PZP: variants seen among roughly 807,000 people sequenced by gnomAD.
PZP encodes the protein PZP alpha-2-macroglobulin like.
PZP carries 150 observed loss-of-function variants against 179.8 expected under a neutral mutation model. That is an observed-to-expected ratio of 0.83 (90% CI 0.73 to 0.96). The LOEUF (loss-of-function observed/expected upper bound fraction) is 0.96. PZP is among the 40% of genes least tolerant of loss of function. PZP has a pLI of 0.00. For synonymous variants in PZP, 624 were observed against 652.3 expected (o/e 0.96, Z 0.66); for missense variants, 1,689 against 1,764.0 (o/e 0.96, Z 0.76).
At chr12:9,193,160 G>C (rs1943552858) in intron 11 of PZP, among the ~76,000 whole-genome samples, 2 of 152,124 alleles carry the variant, frequency 1.3e-5, no homozygotes, top group Non-Finnish European at 2.9e-5. Context: ...GTAATCCTTA[G>C]TAAATTAGCA....
intron 21 of PZP, 72 bp downstream of exon 21, chr12:9,163,596 C>G (rs1277156654): frequency 1.3e-6 from 2 of 1,518,686 alleles, no homozygotes; most frequent in Non-Finnish European, 1.8e-6. Context: ...ATTAATGGTT[C>G]TTTGTTGTCT....
chr12:9,180,889 G>T, intron 15 of PZP, 94 bp downstream of exon 15: 4 of 1,385,784 alleles, frequency 2.9e-6, no homozygotes, highest in Non-Finnish European at 2.9e-6. Context: ...GAAAATTTTC[G>T]CAACCTACTC....
intron 13 of PZP, among the ~76,000 whole-genome samples, chr12:9,183,426 G>A (rs1268492283): frequency 6.6e-6 from 1 of 151,972 alleles, no homozygotes; most frequent in Non-Finnish European, 1.5e-5. Flanking sequence ...TTGAGACAGG[G>A]TCTTGCTCTG....
chr12:9,165,469 C>T, intron 18 of PZP, 102 bp from the exon 19 acceptor site: 13 of 1,327,806 alleles, frequency 9.8e-6, no homozygotes, highest in South Asian at 5.4e-5. Context: ...ACTGAATCCA[C>T]TTAAGGGTAT....
In PZP at chr12:9,203,490, T is replaced by C. The variant is rs774614681; in HGVS notation, c.267+278A>G. Among the ~76,000 whole-genome samples, 8 of 152,094 alleles carry C rather than the reference T, an allele frequency of 5.3e-5. No homozygotes were observed. The East Asian group carries it at 7.8e-4, about 15-fold the overall frequency. On this transcript the variant is annotated intron_variant, in intron 2 of 35. Coordinates refer to ENST00000261336, the MANE Select transcript of PZP (RefSeq NM_002864.3). ...CCAGGTAGCTGGGACTACGGGCGCCTGCCACTACGCCCGGCTAATTTTTTG... is the reference window on the plus strand; with the variant it reads ...CCAGGTAGCTGGGACTACGGGCGCCCGCCACTACGCCCGGCTAATTTTTTG...
chr12:9,147,140 A>G (rs1488119823), downstream of PZP, among the ~76,000 whole-genome samples: 2 of 152,028 alleles, frequency 1.3e-5, no homozygotes, highest in East Asian at 3.9e-4. Flanking sequence ...ACATGGATCA[A>G]CTCTTTCTCT....
At chr12:9,203,588 G>T (rs1352156238) in intron 2 of PZP, among the ~76,000 whole-genome samples, 180 bp downstream of exon 2, 1 of 152,012 alleles carries the variant, frequency 6.6e-6, no homozygotes, top group African/African-American at 2.4e-5. Flanking sequence ...TGATCTGCCC[G>T]CCTTGGCTTC....
intron 15 of PZP, among the ~76,000 whole-genome samples, chr12:9,175,219 C>A (rs1442071679): frequency 6.6e-6 from 1 of 152,138 alleles, no homozygotes; most frequent in South Asian, 2.1e-4. Flanking sequence ...GGAAAGGCCT[C>A]CCTATTTAGT....
At chr12:9,160,881 C>T (rs930916282) in intron 23 of PZP, 152 bp downstream of exon 23, 1 of 709,508 alleles carries the variant, frequency 1.4e-6, no homozygotes, top group Non-Finnish European at 2.4e-6. Context: ...CGTCACTGTA[C>T]TCCAGCCTGG....
chr12:9,195,651 AC>A (rs1359135383), intron 10 of PZP, among the ~76,000 whole-genome samples: 1 of 113,732 alleles, frequency 8.8e-6, no homozygotes, highest in Non-Finnish European at 1.7e-5. Flanking sequence ...GTAGAGTCTT[AC>A]TATGTTACTA....
At position 9,170,318 on chromosome 12, in the gene PZP, G is replaced by T. The variant is rs1405911727; in HGVS notation, c.1840-727C>A. ...ATACCCTTGTGAGCCCATGCCACCA[G>T]GGTCTTGGGTCTGATACACAAAGCT... On this transcript the variant is annotated intron_variant, in intron 15 of 35. Coordinates refer to ENST00000261336, the MANE Select transcript of PZP (RefSeq NM_002864.3). The surrounding 1 kb of genome is among the most constrained non-coding windows in gnomAD (Gnocchi z 4.6). 6.6e-6 allele frequency among the ~76,000 whole-genome samples: 1 copy of T among 152,196 alleles called. No individual in the cohort carries two copies. Among genetic ancestry groups the T allele is most frequent in the African/African-American group, 2.4e-5 (1 of 41,428 alleles).
the PZP span, among the ~76,000 whole-genome samples, chr12:9,141,286 A>T: frequency 2.6e-5 from 4 of 152,232 alleles, no homozygotes; most frequent in African/African-American, 9.6e-5. Flanking sequence ...TTTATATTTG[A>T]CAATGCTTCC....
At chr12:9,201,278 C>A in intron 5 of PZP, 49 bp downstream of exon 5, 2 of 1,466,096 alleles carry the variant, frequency 1.4e-6, no homozygotes, top group Non-Finnish European at 1.9e-6. Context: ...GAACCTCCTA[C>A]TCTCTAAAAG....
intron 1 of PZP, among the ~76,000 whole-genome samples, chr12:9,205,298 C>T (rs1175267341): frequency 6.6e-6 from 1 of 152,060 alleles, no homozygotes; most frequent in Non-Finnish European, 1.5e-5. Context: ...CTGTCACTTT[C>T]CAGAAGCCTC....
intron 7 of PZP, among the ~76,000 whole-genome samples, chr12:9,198,820 C>T (rs536287876): frequency 4.3e-4 from 65 of 152,276 alleles, no homozygotes; most frequent in Middle Eastern, 6.8e-3. Flanking sequence ...ATCTGCACTA[C>T]GGCACTATTA....
the PZP span, among the ~76,000 whole-genome samples, chr12:9,142,807 G>A: frequency 6.6e-6 from 1 of 152,168 alleles, no homozygotes; most frequent in East Asian, 1.9e-4. Flanking sequence ...ATTTTGAGAG[G>A]TACTTATTTA....
chr12:9,150,864 C>T (rs1011283030), intron 33 of PZP, 118 bp from the exon 34 acceptor site: 1 of 679,164 alleles, frequency 1.5e-6, no homozygotes, highest in African/African-American at 1.8e-5. Context: ...GGTGACCAGA[C>T]ATTTGTGGAT....
intron 15 of PZP, among the ~76,000 whole-genome samples, chr12:9,174,677 A>G (rs1299442127): frequency 6.6e-6 from 1 of 152,232 alleles, no homozygotes; most frequent in African/African-American, 2.4e-5. Context: ...ACAGGCAAGC[A>G]GAGATCCAAA....
At chr12:9,169,055 G>A in intron 16 of PZP, 81 bp from the exon 17 acceptor site, 1 of 966,512 alleles carries the variant, frequency 1.0e-6, no homozygotes, top group Non-Finnish European at 1.6e-6. Context: ...ACTTCTCTAT[G>A]TAATTCCAGT....
Sources: gnomAD v4.1 joint callset for allele counts (sites outside exome capture counted in the v4.1 genomes callset) on GRCh38, gnomAD v4.1.1 for gene constraint, Gnocchi (gnomAD v3.1) non-coding constraint, MANE v1.5 for transcripts, NCBI Gene and HGNC (gene_info 2026-07-23, HGNC 2026-07-21) for gene names.